CNTN6: variants seen among roughly 807,000 people sequenced by gnomAD.
CNTN6 encodes the protein contactin-6.
A neutral mutation model predicts 122.8 loss-of-function variants in CNTN6; 137 were observed. The observed-to-expected ratio is 1.12, with a 90% CI of 0.97 to 1.29. CNTN6 has a LOEUF of 1.29. CNTN6 is among the 50% of genes most tolerant of loss of function. CNTN6 has a pLI of 0.00. For synonymous variants in CNTN6, 570 were observed against 426.0 expected (o/e 1.34, Z -4.16); for missense variants, 1,634 against 1,223.4 (o/e 1.34, Z -5.01).
chr3:1,155,672 T>C lies in CNTN6; in HGVS notation c.55+7609T>C, dbSNP rs557763975. Reference sequence around the variant, plus strand: ...AGTATTACTGGGTAGCAAATACACGTTGACTTTGTGTCACAAATAATTTAA... The same window carrying C: ...AGTATTACTGGGTAGCAAATACACGCTGACTTTGTGTCACAAATAATTTAA... On this transcript the variant is annotated intron_variant, in intron 2 of 22. Transcript: ENST00000446702. Among the ~76,000 whole-genome samples, 152 of 152,344 alleles carry C rather than the reference T, an allele frequency of 1.0e-3. 1 individual carries two copies. The highest frequency in any genetic ancestry group is 3.4e-3 in the African/African-American group (142 of 41,588).
At chr3:1,116,902 G>T (rs138983480) in intron 1 of CNTN6, among the ~76,000 whole-genome samples, 2,692 of 151,894 alleles carry the variant, frequency 0.018, 90 homozygotes, top group African/African-American at 0.062. Flanking sequence ...ACAAGGTTTC[G>T]CCATGTTGGC....
intron 20 of CNTN6, among the ~76,000 whole-genome samples, chr3:1,391,601 G>C (rs155397): frequency 3.8e-4 from 57 of 150,880 alleles, no homozygotes; most frequent in African/African-American, 1.4e-3. Flanking sequence ...ATTAGGAAAA[G>C]AGGAAGTCCA....
At chr3:1,311,415 C>T (rs1350959687) in intron 7 of CNTN6, among the ~76,000 whole-genome samples, 1 of 70,770 alleles carries the variant, frequency 1.4e-5, no homozygotes, top group African/African-American at 6.8e-5. Context: ...TATAAAATGT[C>T]TTTATATGTA....
intron 11 of CNTN6, among the ~76,000 whole-genome samples, chr3:1,340,247 T>C (rs905561146): frequency 1.3e-5 from 2 of 152,166 alleles, no homozygotes; most frequent in Admixed American, 1.3e-4. Flanking sequence ...TTCAAGGCAG[T>C]CCTTCATAAT....
chr3:1,209,754 A>C (rs1349502308), intron 2 of CNTN6, among the ~76,000 whole-genome samples: 1 of 149,720 alleles, frequency 6.7e-6, no homozygotes, highest in Non-Finnish European at 1.5e-5. Context: ...CCCCAGCACC[A>C]TCAAAATCAG....
At chr3:1,307,423 G>C (rs1418859282) in intron 7 of CNTN6, among the ~76,000 whole-genome samples, 1 of 151,940 alleles carries the variant, frequency 6.6e-6, no homozygotes, top group Admixed American at 6.6e-5. Flanking sequence ...TTAAAGAATA[G>C]TTTTAGAACA....
intron 4 of CNTN6, among the ~76,000 whole-genome samples, chr3:1,269,408 C>CAA (rs1272544622): frequency 2.0e-5 from 3 of 152,180 alleles, no homozygotes; most frequent in African/African-American, 7.2e-5. Context: ...AGGCCAGTTG[C>CAA]CTTTTACTAG....
chr3:1,312,337 T>C (rs1699466801), intron 7 of CNTN6, among the ~76,000 whole-genome samples: 1 of 151,896 alleles, frequency 6.6e-6, no homozygotes, highest in Admixed American at 6.6e-5. Flanking sequence ...TATATGTATA[T>C]GTATATTTCT....
intron 7 of CNTN6, among the ~76,000 whole-genome samples, chr3:1,317,382 G>T (rs1198964954): frequency 6.6e-6 from 1 of 151,626 alleles, no homozygotes; most frequent in Non-Finnish European, 1.5e-5. Flanking sequence ...CTATTTGTCA[G>T]GTCTGTTCTG....
At chr3:1,229,442 G>T (rs2094326275) in intron 4 of CNTN6, among the ~76,000 whole-genome samples, 1 of 152,024 alleles carries the variant, frequency 6.6e-6, no homozygotes, top group African/African-American at 2.4e-5. Context: ...ACTCCATACA[G>T]CATATTTATT....
In CNTN6 at chr3:1,202,588, AC is replaced by A. The variant is rs2093900575; in HGVS notation, c.56-18098del. On this transcript the variant is annotated intron_variant, in intron 2 of 22. Transcript: ENST00000446702. ...TAAATAAATAAATAAATAAATAAAT[AC>A]AAATAAAATAAAATAAAATTTTTAC... Among the ~76,000 whole-genome samples, 3 of 150,818 alleles carry A rather than the reference AC, an allele frequency of 2.0e-5. No individual in the cohort carries two copies. The South Asian group carries it at 6.3e-4, about 31-fold the overall frequency.
intron 2 of CNTN6, among the ~76,000 whole-genome samples, chr3:1,206,927 G>T (rs909785014): frequency 6.6e-6 from 1 of 152,056 alleles, no homozygotes; most frequent in Non-Finnish European, 1.5e-5. Flanking sequence ...CCCTTTACTG[G>T]TTCCTCCTCA....
chr3:1,208,136 A>G (rs1402413956), intron 2 of CNTN6, among the ~76,000 whole-genome samples: 4 of 152,012 alleles, frequency 2.6e-5, no homozygotes, highest in African/African-American at 4.8e-5. Flanking sequence ...CTCTTTCCCT[A>G]TCCTTCCTCC....
At chr3:1,344,981 T>G (rs1704450960) in intron 11 of CNTN6, among the ~76,000 whole-genome samples, 1 of 151,556 alleles carries the variant, frequency 6.6e-6, no homozygotes, top group African/African-American at 2.4e-5. Flanking sequence ...CTCTTTTGCT[T>G]TTTTTCATTT....
chr3:1,123,540 C>A (rs1021102548), intron 1 of CNTN6, among the ~76,000 whole-genome samples: 1 of 151,730 alleles, frequency 6.6e-6, no homozygotes, highest in African/African-American at 2.4e-5. Context: ...ATATTTTGAT[C>A]TTCTACCTAC....
chr3:1,381,310 A>C (rs1203669395), intron 17 of CNTN6, among the ~76,000 whole-genome samples: 1 of 150,436 alleles, frequency 6.6e-6, no homozygotes, highest in Non-Finnish European at 1.5e-5. Flanking sequence ...GAGAAGTGTT[A>C]ATATGAGGAA....
chr3:1,118,032 G>A lies in CNTN6; in HGVS notation c.-83+24912G>A, dbSNP rs79359070. Among the ~76,000 whole-genome samples the A allele has an allele frequency of 2.2e-3, 342 of 152,136 alleles. 7 individuals are homozygous for A. The highest frequency in any genetic ancestry group is 6.4e-3 in the East Asian group (33 of 5,170). On this transcript the variant is annotated intron_variant, in intron 1 of 22. Coordinates refer to ENST00000446702, the MANE Select transcript of CNTN6 (RefSeq NM_001289080.2). ...CAAATAAGCCCTTGCCTCAAGGCCCGCTGTTGAAGAAAGGCAATCTAAACA... is the reference window on the plus strand; with the variant it reads ...CAAATAAGCCCTTGCCTCAAGGCCCACTGTTGAAGAAAGGCAATCTAAACA...
chr3:1,135,818 C>T (rs577136321), intron 1 of CNTN6, among the ~76,000 whole-genome samples: 7 of 152,102 alleles, frequency 4.6e-5, no homozygotes, highest in South Asian at 2.1e-4. Flanking sequence ...CACAGTGAAA[C>T]GAGTCTCTAC....
intron 1 of CNTN6, among the ~76,000 whole-genome samples, chr3:1,099,246 TC>T (rs1288310802): frequency 6.6e-6 from 1 of 151,946 alleles, no homozygotes; most frequent in Admixed American, 6.6e-5. Flanking sequence ...GGTCAGGAGA[TC>T]GAGACCATCC....
Sources: allele counts gnomAD v4.1 joint callset (sites outside exome capture counted in the v4.1 genomes callset), GRCh38; gene constraint gnomAD v4.1.1; transcripts MANE v1.5; gene names NCBI Gene and HGNC (gene_info 2026-07-23, HGNC 2026-07-21).